Variants in KDM6A observed in about 807,000 individuals in gnomAD.
KDM6A encodes the protein lysine-specific demethylase 6A.
KDM6A carries 11 observed loss-of-function variants against 117.6 expected under a neutral mutation model. The ratio of observed to expected loss-of-function variants is 0.09; its 90% CI spans 0.06 to 0.15. The LOEUF is 0.15. Among genes scored for constraint, KDM6A ranks in the 10% least tolerant of loss-of-function variants. KDM6A has a pLI of 1.00. For synonymous variants in KDM6A, 384 were observed against 396.1 expected (o/e 0.97, Z 0.36); for missense variants, 799 against 1,077.3 (o/e 0.74, Z 3.62).
intron 2 of KDM6A, among the ~76,000 whole-genome samples, chrX:44,909,319 G>A (rs1292460223): frequency 9.0e-6 from 1 of 111,314 alleles, no homozygotes; most frequent in East Asian, 2.8e-4. Context: ...ATAGTATTCC[G>A]GCGTTCAAAT....
At chrX:45,111,065 AATT>A (rs1362647451) in intron 29 of KDM6A, among the ~76,000 whole-genome samples, 1 of 112,027 alleles carries the variant, frequency 8.9e-6, no homozygotes, top group Admixed American at 9.5e-5. Flanking sequence ...TAATTTGTTA[AATT>A]ATTTTGCAAG....
At chrX:44,975,834 A>AC (rs2039591495) in intron 4 of KDM6A, among the ~76,000 whole-genome samples, 1 of 111,937 alleles carries the variant, frequency 8.9e-6, no homozygotes, top group Non-Finnish European at 1.9e-5. Context: ...GGGAACCTGC[A>AC]CAGGGGGCTT....
At chrX:44,963,483 G>GTGTGTCTGTCTGTCTGTC (rs1481840859) in intron 3 of KDM6A, among the ~76,000 whole-genome samples, 13 of 40,889 alleles carry the variant, frequency 3.2e-4, no homozygotes, top group African/African-American at 4.5e-4. Context: ...GTGTGTGTGT[G>GTGTGTCTGTCTGTCTGTC]TGTCTGTCTG....
chrX:44,968,100 G>A (rs1390879046), intron 3 of KDM6A, among the ~76,000 whole-genome samples: 1 of 112,351 alleles, frequency 8.9e-6, no homozygotes, highest in East Asian at 2.8e-4. Context: ...GAGAAGTTAA[G>A]CTGTGACAGC....
chrX:45,000,332 C>T (rs1256173975), intron 4 of KDM6A, among the ~76,000 whole-genome samples: 2 of 112,033 alleles, frequency 1.8e-5, no homozygotes, highest in Non-Finnish European at 3.8e-5. Flanking sequence ...TGGTATTCCC[C>T]GTGGGACTCC....
At chrX:45,031,910 G>A (rs2042615610) in intron 6 of KDM6A, among the ~76,000 whole-genome samples, 1 of 110,972 alleles carries the variant, frequency 9.0e-6, no homozygotes, top group Non-Finnish European at 1.9e-5. Flanking sequence ...TATTGAACAC[G>A]TTGAAGGCTT....
chrX:45,086,832 A>G (rs2045659652), intron 25 of KDM6A, among the ~76,000 whole-genome samples: 2 of 111,788 alleles, frequency 1.8e-5, no homozygotes, highest in Admixed American at 1.9e-4. Flanking sequence ...TTCATTTAGT[A>G]ATAACATTAG....
Position 45,100,884 on chromosome X carries a change from C to T in KDM6A, c.4035-6526C>T, listed in dbSNP as rs146506868. 8.2e-3 allele frequency among the ~76,000 whole-genome samples: 881 copies of T among 107,671 alleles called. 9 individuals carry two copies. Among genetic ancestry groups the T allele is most frequent in the African/African-American group, 0.029 (845 of 29,473 alleles). The allele number at this position is 107,671 out of a possible 115,157, so 93.5% of individuals were successfully genotyped here. ...TAAAAAAATAAAGACAGGATCTCCC[C>T]ATGTTGCCCAGGCTGGTCTCAAACT... is the stretch of plus-strand genomic sequence containing the variant. On this transcript the variant is annotated intron_variant, in intron 27 of 29. Transcript: ENST00000611820.
At chrX:45,025,689 A>T (rs762708764) in intron 6 of KDM6A, among the ~76,000 whole-genome samples, 1 of 112,151 alleles carries the variant, frequency 8.9e-6, no homozygotes, top group East Asian at 2.8e-4. Context: ...CAGTCAGTTA[A>T]TGCCTGTGCA....
intron 8 of KDM6A, among the ~76,000 whole-genome samples, chrX:45,039,529 T>TTA (rs1491173649): frequency 3.5e-5 from 3 of 85,408 alleles, no homozygotes; most frequent in African/African-American, 4.8e-5. Context: ...TTTTTTTTTT[T>TTA]ATTGATCATT....
In KDM6A at chrX:45,069,910, A is replaced by C. The variant is rs2044739718; in HGVS notation, c.2411A>C (p.His804Pro). ...ASVEGLPNHV[H>P]QMTADAVCSP... ...GTCGAGGGACTTCCTAATCATGTCC[A>C]TCAGATGACGGCAGATGCTGTTTGC... is the stretch of plus-strand genomic sequence containing the variant. The change falls in exon 18 of 30, where the codon CAT (histidine) becomes CCT (proline). Residue 804 changes from histidine to proline, a missense_variant. Physicochemically the swap from His to Pro is moderately conservative, Grantham distance 77 (BLOSUM62 -2). Coordinates refer to ENST00000611820, the MANE Select transcript of KDM6A (RefSeq NM_001291415.2). 2 of 1,211,551 alleles carry C rather than the reference A, an allele frequency of 1.7e-6. No homozygotes were observed. Among genetic ancestry groups the C allele is most frequent in the South Asian group, 1.8e-5 (1 of 56,977 alleles).
intron 7 of KDM6A, among the ~76,000 whole-genome samples, chrX:45,035,741 C>CCAGG (rs1201729528): frequency 9.2e-6 from 1 of 109,125 alleles, no homozygotes; most frequent in Admixed American, 9.8e-5. Flanking sequence ...ACTCTGTTGC[C>CCAGG]CAGGCTGGAG....
Position 44,906,061 on chromosome X carries a change from A to G in KDM6A, c.225+32074A>G, listed in dbSNP as rs751026251. ...CTCTCAGTGATAGATTTTTACTCAA[A>G]AATCTTCTCAAAGAAAAGTAAAATT... On this transcript the variant is annotated intron_variant, in intron 2 of 29. Coordinates refer to ENST00000611820, the MANE Select transcript of KDM6A (RefSeq NM_001291415.2). Among the ~76,000 whole-genome samples, 14 of 111,925 alleles carry G rather than the reference A, an allele frequency of 1.3e-4. No individual in the cohort carries two copies. The South Asian group carries it at 5.2e-3, about 41-fold the overall frequency.
intron 5 of KDM6A, among the ~76,000 whole-genome samples, chrX:45,015,446 C>CT (rs1257140848): frequency 1.8e-5 from 2 of 111,395 alleles, no homozygotes; most frequent in African/African-American, 3.3e-5. Context: ...TTTCATAGCA[C>CT]TGTACTAGTC....
intron 3 of KDM6A, among the ~76,000 whole-genome samples, chrX:44,964,823 A>C (rs939644240): frequency 8.9e-6 from 1 of 112,168 alleles, no homozygotes; most frequent in Non-Finnish European, 1.9e-5. Context: ...CACCAGCATT[A>C]GTTCCTAACA....
At chrX:44,918,591 G>A (rs1470787964) in intron 2 of KDM6A, among the ~76,000 whole-genome samples, 1 of 111,460 alleles carries the variant, frequency 9.0e-6, no homozygotes, top group African/African-American at 3.3e-5. Flanking sequence ...TTTCCATAGT[G>A]AAAATTCTAG....
chrX:45,081,872 G>A (rs747161919), intron 21 of KDM6A, among the ~76,000 whole-genome samples: 30 of 109,677 alleles, frequency 2.7e-4, no homozygotes, highest in South Asian at 1.2e-3. Context: ...TCCACCTCCC[G>A]GGTTCACGCC....
rs1267780901 is a variant in KDM6A at position 45,067,644 on chromosome X, C to CTTTTT, written c.2080-1931_2080-1927dup. 2.2e-3 allele frequency among the ~76,000 whole-genome samples: 196 copies of CTTTTT among 89,968 alleles called. 8 individuals are homozygous for CTTTTT. The highest frequency in any genetic ancestry group is 5.8e-3 in the Middle Eastern group (1 of 173). 78.1% of individuals were successfully genotyped at this position (89,968 alleles called of 115,157 possible). On this transcript the variant is annotated intron_variant, in intron 17 of 29. Transcript: ENST00000611820. ...CCTTTACACACTCACTGGTGTGTAT[C>CTTTTT]TTTTTTTTGTTTTTTTTTTTTTTTT...
intron 4 of KDM6A, among the ~76,000 whole-genome samples, chrX:44,992,334 C>T (rs1340560182): frequency 2.0e-5 from 2 of 100,679 alleles, no homozygotes; most frequent in African/African-American, 7.1e-5. Flanking sequence ...AAGCAATTCT[C>T]CTGCCTCAGC....
Sources: allele counts gnomAD v4.1 joint callset (sites outside exome capture counted in the v4.1 genomes callset), GRCh38; gene constraint gnomAD v4.1.1; transcripts MANE v1.5; gene names NCBI Gene and HGNC (gene_info 2026-07-23, HGNC 2026-07-21).